Variants in GPC5 observed in about 807,000 individuals in gnomAD.
GPC5 encodes the protein glypican-5.
A neutral mutation model predicts 53.9 loss-of-function variants in GPC5; 47 were observed. The observed-to-expected ratio is 0.87, with a 90% CI of 0.69 to 1.11. GPC5 has a LOEUF of 1.11. GPC5 is among the 50% of genes most tolerant of loss of function. The pLI is 0.00. For missense variants in GPC5, 748 were observed against 713.1 expected (o/e 1.05, Z -0.56); for synonymous variants, 286 against 263.3 (o/e 1.09, Z -0.84).
At chr13:92,228,519 T>C (rs375533525) in intron 7 of GPC5, among the ~76,000 whole-genome samples, 75 of 152,232 alleles carry the variant, frequency 4.9e-4, no homozygotes, top group African/African-American at 1.7e-3. Flanking sequence ...ATACTAAACA[T>C]ATCCCAAAAG....
At chr13:92,657,491 A>C (rs995781641) in intron 7 of GPC5, among the ~76,000 whole-genome samples, 1 of 152,080 alleles carries the variant, frequency 6.6e-6, no homozygotes, top group African/African-American at 2.4e-5. Flanking sequence ...ATCAAGAGGG[A>C]AAATACCAAC....
At chr13:91,520,714 G>A (rs1750119052) in intron 2 of GPC5, among the ~76,000 whole-genome samples, 1 of 150,194 alleles carries the variant, frequency 6.7e-6, no homozygotes, top group Non-Finnish European at 1.5e-5. Context: ...ATATGTGTGT[G>A]TGTGTATGTG....
intron 7 of GPC5, among the ~76,000 whole-genome samples, chr13:92,216,483 C>T (rs2042411139): frequency 6.6e-6 from 1 of 152,146 alleles, no homozygotes; most frequent in African/African-American, 2.4e-5. Flanking sequence ...TCTGATGCCT[C>T]ATTGTCCAGA....
chr13:91,674,580 C>T (rs182938531), intron 2 of GPC5, among the ~76,000 whole-genome samples: 5 of 143,730 alleles, frequency 3.5e-5, no homozygotes, highest in East Asian at 2.1e-4. Flanking sequence ...CATATATATG[C>T]GTATGTGTAT....
At chr13:91,772,323 A>T (rs1274556570) in intron 5 of GPC5, among the ~76,000 whole-genome samples, 1 of 152,200 alleles carries the variant, frequency 6.6e-6, no homozygotes, top group Admixed American at 6.6e-5. Flanking sequence ...ACAATAAAAA[A>T]AATTAAGTTA....
intron 2 of GPC5, among the ~76,000 whole-genome samples, chr13:91,682,277 A>G (rs1348335130): frequency 6.6e-6 from 1 of 152,188 alleles, no homozygotes; most frequent in East Asian, 1.9e-4. Flanking sequence ...AAGTGAATTA[A>G]TTTTCCAAAA....
At chr13:91,492,833 C>T (rs1884013525) in intron 2 of GPC5, among the ~76,000 whole-genome samples, 1 of 152,198 alleles carries the variant, frequency 6.6e-6, no homozygotes, top group Admixed American at 6.5e-5. Flanking sequence ...TTTGTTCTGT[C>T]AGCCACCCAC....
intron 2 of GPC5, among the ~76,000 whole-genome samples, chr13:91,688,986 C>T (rs1010498834): frequency 1.3e-5 from 2 of 151,050 alleles, no homozygotes; most frequent in African/African-American, 4.9e-5. Flanking sequence ...TAGCAAGACC[C>T]CATCTCAACA....
chr13:92,133,955 A>G (rs191604371), intron 6 of GPC5, among the ~76,000 whole-genome samples: 203 of 152,222 alleles, frequency 1.3e-3, no homozygotes, highest in Admixed American at 2.5e-3. Context: ...AGATGAGTTG[A>G]GGGACGAAAA....
intron 7 of GPC5, among the ~76,000 whole-genome samples, chr13:92,444,212 G>A (rs550811250): frequency 2.6e-5 from 4 of 152,266 alleles, no homozygotes; most frequent in African/African-American, 7.2e-5. Flanking sequence ...TACACAGCAG[G>A]TATTGTCTGG....
chr13:91,735,380 A>G (rs912606603), intron 4 of GPC5, among the ~76,000 whole-genome samples: 2 of 150,924 alleles, frequency 1.3e-5, no homozygotes, highest in African/African-American at 5.0e-5. Context: ...CACTCATTCT[A>G]AGTTCATGTA....
intron 7 of GPC5, among the ~76,000 whole-genome samples, chr13:92,422,689 T>G (rs1482370200): frequency 6.6e-6 from 1 of 152,138 alleles, no homozygotes; most frequent in Non-Finnish European, 1.5e-5. Context: ...AGTCTTTCAG[T>G]GAACCCTCCA....
At position 92,256,758 on chromosome 13, in the gene GPC5, T is replaced by TA. The variant is rs771952894; in HGVS notation, c.1561+111779dup. On this transcript the variant is annotated intron_variant, in intron 7 of 7. Transcript: ENST00000377067. ...ATTGATTTATATTGTTTTCTTCCAT[T>TA]AAAAAAAAAACACATTCCCATGTGT... Among the ~76,000 whole-genome samples the TA allele has an allele frequency of 3.1e-3, 454 of 148,224 alleles. 2 individuals are homozygous for TA. The highest frequency in any genetic ancestry group is 0.022 in the East Asian group (114 of 5,078).
intron 2 of GPC5, among the ~76,000 whole-genome samples, chr13:91,614,352 A>T (rs553077021): frequency 6.6e-6 from 1 of 152,218 alleles, no homozygotes; most frequent in South Asian, 2.1e-4. Flanking sequence ...TTTTGAGACA[A>T]GGTCTCACTC....
chr13:91,653,056 T>C (rs9589324), intron 2 of GPC5, among the ~76,000 whole-genome samples: 32,464 of 152,240 alleles, frequency 0.21, 4,293 homozygotes, highest in African/African-American at 0.35. Flanking sequence ...TTGTCTTGCA[T>C]GTAGACATTT....
At chr13:92,149,523 T>C (rs1478492444) in intron 7 of GPC5, among the ~76,000 whole-genome samples, 1 of 152,100 alleles carries the variant, frequency 6.6e-6, no homozygotes, top group Non-Finnish European at 1.5e-5. Flanking sequence ...TTTTCTCACA[T>C]GGTAACTTTG....
intron 6 of GPC5, among the ~76,000 whole-genome samples, chr13:92,086,895 G>T (rs1438809605): frequency 4.6e-5 from 7 of 152,108 alleles, no homozygotes. Flanking sequence ...CTGACCTCAG[G>T]TGATCTACCC....
chr13:92,602,157 A>G (rs901571668), intron 7 of GPC5, among the ~76,000 whole-genome samples: 1 of 145,222 alleles, frequency 6.9e-6, no homozygotes, highest in African/African-American at 2.5e-5. Flanking sequence ...ATATATACAC[A>G]CTATATACAA....
chr13:91,820,111 T>C (rs765070159), intron 5 of GPC5, among the ~76,000 whole-genome samples: 42 of 152,266 alleles, frequency 2.8e-4, no homozygotes, highest in Non-Finnish European at 4.0e-4. Context: ...TTGGTGGTGG[T>C]GGTGGTATTT....
Sources: gnomAD v4.1 joint callset for allele counts (sites outside exome capture counted in the v4.1 genomes callset) on GRCh38, gnomAD v4.1.1 for gene constraint, MANE v1.5 for transcripts, NCBI Gene and HGNC (gene_info 2026-07-23, HGNC 2026-07-21) for gene names.